RSPH3: variants seen among roughly 807,000 people sequenced by gnomAD.
RSPH3 encodes the protein radial spoke head 3, also known as radial spoke head protein 3 homolog.
A neutral mutation model predicts 43.8 loss-of-function variants in RSPH3; 21 were observed. The observed-to-expected ratio is 0.48, with a 90% CI of 0.34 to 0.69. The LOEUF (loss-of-function observed/expected upper bound fraction) is 0.69. RSPH3 is among the 30% of genes least tolerant of loss of function. RSPH3 has a pLI of 0.01. For missense variants in RSPH3, 487 were observed against 516.0 expected, an observed-to-expected ratio of 0.94 and a Z score of 0.54; for synonymous variants, 173 against 179.8, an observed-to-expected ratio of 0.96 and a Z score of 0.30.
intron 1 of RSPH3, among the ~76,000 whole-genome samples, chr6:158,999,024 T>G (rs1465132254): frequency 6.6e-6 from 1 of 152,264 alleles, no homozygotes; most frequent in Non-Finnish European, 1.5e-5. Context: ...TGGATATCTT[T>G]GCACCGCGGT....
At chr6:158,972,422 A>C (rs1362224470), downstream of RSPH3, among the ~76,000 whole-genome samples, 2 of 152,232 alleles carry the variant, frequency 1.3e-5, no homozygotes, top group African/African-American at 4.8e-5. Flanking sequence ...CAGAGCTGGC[A>C]GAGAACTTTA....
At chr6:158,995,084 C>T (rs1255940197) in intron 1 of RSPH3, among the ~76,000 whole-genome samples, 2 of 152,202 alleles carry the variant, frequency 1.3e-5, no homozygotes, top group South Asian at 2.1e-4. Flanking sequence ...GGATTTCCTC[C>T]GGGCTCAGCC....
chr6:158,993,971 G>T (rs1389249506), intron 1 of RSPH3, 45 bp from the exon 2 acceptor site: 1 of 994,940 alleles, frequency 1.0e-6, no homozygotes, highest in Admixed American at 1.9e-5. Context: ...TAGAGTATTG[G>T]TATCTATGAA....
intron 1 of RSPH3, among the ~76,000 whole-genome samples, chr6:158,995,067 T>A (rs1476405320): frequency 6.6e-6 from 1 of 152,164 alleles, no homozygotes; most frequent in Non-Finnish European, 1.5e-5. Context: ...GTTCCTCCCA[T>A]ACTGGAGGAT....
rs34725942 is a variant in RSPH3 at position 158,986,383 on chromosome 6, C to T, written c.243G>A (p.Arg81=). 0.027 allele frequency: 44,135 copies of T among 1,613,380 alleles called. 907 individuals are homozygous for T. The highest frequency in any genetic ancestry group is 0.1 in the African/African-American group (7,585 of 74,976). ...RPDSLELQRQ[R]EARKRALARK... ...TGGCAAGAGCCCTCTTCCTAGCCTC[C>T]CGTTGTCTCTGGAGCTCTAGAGAAT... is the stretch of plus-strand genomic sequence containing the variant. Residue 81 remains arginine (R), a synonymous_variant, in exon 3 of 8, where the codon CGG becomes CGA. Coordinates refer to ENST00000367069, the MANE Select transcript of RSPH3 (RefSeq NM_031924.8).
In RSPH3 at chr6:158,998,259, G is replaced by A. The variant is rs184515937; in HGVS notation, c.116+1176C>T. ...GAGGTCAGGAGATCGAGAGTATCCT[G>A]GCTAACATGGTGAAACCCCGTCTCT... is the stretch of plus-strand genomic sequence containing the variant. On this transcript the variant is annotated intron_variant, in intron 1 of 7. Coordinates refer to ENST00000367069, the MANE Select transcript of RSPH3 (RefSeq NM_031924.8). 9.6e-4 allele frequency among the ~76,000 whole-genome samples: 130 copies of A among 136,034 alleles called. 1 individual carries two copies. Among genetic ancestry groups the A allele is most frequent in the African/African-American group, 2.8e-3 (101 of 35,808 alleles). The allele number at this position is 136,034 out of a possible 152,430, so 89.2% of individuals were successfully genotyped here. A position where few individuals can be genotyped will look rare whatever the true frequency, so the allele number is the denominator to read the frequency against.
chr6:158,985,044 C>G (rs1382032442), intron 3 of RSPH3, among the ~76,000 whole-genome samples: 1 of 152,172 alleles, frequency 6.6e-6, no homozygotes, highest in Non-Finnish European at 1.5e-5. Flanking sequence ...CAAAGTGAAC[C>G]TGAAGTAGTG....
chr6:158,965,540 C>T, the RSPH3 span, among the ~76,000 whole-genome samples: 1 of 152,018 alleles, frequency 6.6e-6, no homozygotes, highest in Non-Finnish European at 1.5e-5. Flanking sequence ...TAATCCTTTT[C>T]AATGCTTTTG....
the RSPH3 span, among the ~76,000 whole-genome samples, chr6:158,963,688 C>G: frequency 6.6e-6 from 1 of 151,900 alleles, no homozygotes; most frequent in Non-Finnish European, 1.5e-5. Context: ...TTCCCAGGCT[C>G]AAGCAATCTT....
chr6:158,982,504 CTCTCTTG>C lies in RSPH3; in HGVS notation c.670_676del (p.Gln224GlyfsTer17). 1 of 1,592,156 alleles carries C rather than the reference CTCTCTTG, an allele frequency of 6.3e-7. No homozygotes were observed. Among genetic ancestry groups the C allele is most frequent in the Admixed American group, 1.7e-5 (1 of 57,980 alleles). On this transcript the variant is annotated frameshift_variant, in exon 5 of 8. Transcript: ENST00000367069. LOFTEE classifies it high-confidence loss of function. ...ATATACTTTTTCTTCTCGGTGTCGC[CTCTCTTG>C]CTCTTCAAGTCGTTGAACTTCAGCA... is the stretch of plus-strand genomic sequence containing the variant.
intron 1 of RSPH3, among the ~76,000 whole-genome samples, chr6:158,997,271 C>CTTTT (rs35951023): frequency 1.7e-4 from 22 of 129,068 alleles, no homozygotes; most frequent in African/African-American, 5.4e-4. Flanking sequence ...CTCCTGAACA[C>CTTTT]TTTTTTTTTT....
At chr6:158,971,822 A>G (rs1223878180), downstream of RSPH3, among the ~76,000 whole-genome samples, 1 of 152,190 alleles carries the variant, frequency 6.6e-6, no homozygotes, top group East Asian at 1.9e-4. Context: ...TGATTTGGTG[A>G]TGGGTGATTG....
In RSPH3 at chr6:158,999,780, T is replaced by A; in HGVS notation, c.-230A>T. On this transcript the variant is annotated 5_prime_UTR_variant, in exon 1 of 8. An upstream start codon of the reference 5' UTR is lost. Coordinates refer to ENST00000367069, the MANE Select transcript of RSPH3 (RefSeq NM_031924.8). ...ACAGAGACCAGCTGCGGGGGCCGCA[T>A]CGGTTGCCCAGCAACCCAGGGTTCT... is the stretch of plus-strand genomic sequence containing the variant. The A allele has an allele frequency of 6.2e-7, 1 of 1,611,456 alleles. No homozygotes were observed. The highest frequency in any genetic ancestry group is 2.2e-5 in the East Asian group (1 of 44,788).
At chr6:158,963,399 C>T in the RSPH3 span, among the ~76,000 whole-genome samples, 3 of 116,716 alleles carry the variant, frequency 2.6e-5, no homozygotes, top group Admixed American at 8.7e-5. Context: ...TTCCTCCCTC[C>T]CTCCCTCCCC....
At chr6:158,983,345 T>A (rs1198044618) in intron 4 of RSPH3, among the ~76,000 whole-genome samples, 1 of 152,190 alleles carries the variant, frequency 6.6e-6, no homozygotes, top group Non-Finnish European at 1.5e-5. Context: ...AGGGATATTA[T>A]TTTTCCCTAT....
the RSPH3 span, among the ~76,000 whole-genome samples, chr6:158,966,426 G>T: frequency 1.3e-5 from 2 of 152,084 alleles, no homozygotes; most frequent in African/African-American, 2.4e-5. Context: ...ATGTTTACTA[G>T]AATTCATCGG....
At position 158,989,645 on chromosome 6, in the gene RSPH3, T is replaced by C. The variant is rs1422205826; in HGVS notation, c.205-3224A>G. ...GGTAGTCTCACCTCCCCATTTTGTT[T>C]TTGGCTGTACTCAGGGGTATTTCTC... is the stretch of plus-strand genomic sequence containing the variant. On this transcript the variant is annotated intron_variant, in intron 2 of 7. Coordinates refer to ENST00000367069, the MANE Select transcript of RSPH3 (RefSeq NM_031924.8). This position sits in a 1 kb window ranked among gnomAD's most constrained non-coding sequence, Gnocchi z 4.3. Among the ~76,000 whole-genome samples, 2 of 152,160 alleles carry C rather than the reference T, an allele frequency of 1.3e-5. No homozygotes were observed. Among genetic ancestry groups the C allele is most frequent in the African/African-American group, 2.4e-5 (1 of 41,428 alleles).
At chr6:158,963,927 T>G in the RSPH3 span, among the ~76,000 whole-genome samples, 6 of 152,274 alleles carry the variant, frequency 3.9e-5, no homozygotes, top group Admixed American at 3.3e-4. Context: ...TAAATAACAA[T>G]GAAAACAATT....
Position 158,986,300 on chromosome 6 carries a change from T to C in RSPH3, c.326A>G (p.Lys109Arg), listed in dbSNP as rs1467014597. 1 of 1,613,970 alleles carries C rather than the reference T, an allele frequency of 6.2e-7. No homozygotes were observed. Among genetic ancestry groups the C allele is most frequent in the Admixed American group, 1.7e-5 (1 of 59,970 alleles). Residue 109 changes from lysine to arginine, a missense_variant, in exon 3 of 8, where the codon AAG becomes AGG. Transcript: ENST00000367069. ...PQTPEPVEGR[K>R]HVDVQTELYL... ...CACACCTGTTTGCACATCGACATGC[T>C]TTCTGCCTTCCACAGGTTCAGGTGT...
Sources: gnomAD v4.1 joint callset for allele counts (sites outside exome capture counted in the v4.1 genomes callset) on GRCh38, gnomAD v4.1.1 for gene constraint, Gnocchi (gnomAD v3.1) non-coding constraint, MANE v1.5 for transcripts, NCBI Gene and HGNC (gene_info 2026-07-23, HGNC 2026-07-21) for gene names.